MAX: variants seen among roughly 807,000 people sequenced by gnomAD.
The protein encoded by MAX is protein max.
Under a neutral mutation model 22.3 loss-of-function variants are expected in MAX, and 3 were observed. The ratio of observed to expected loss-of-function variants is 0.13; its 90% CI spans 0.06 to 0.35. The LOEUF (loss-of-function observed/expected upper bound fraction) is 0.35, where lower values mean the gene tolerates loss of function less well. MAX is among the 10% of genes least tolerant of loss of function. The probability of loss-of-function intolerance (pLI) is 1.00; values close to 1 mark genes in which losing one functional copy is unlikely to be tolerated. For synonymous variants in MAX, 72 were observed against 77.7 expected (o/e 0.93, Z 0.39); for missense variants, 119 against 209.4 (o/e 0.57, Z 2.66).
At chr14:65,058,129 G>A (rs1021873285) in intron 3 of MAX, among the ~76,000 whole-genome samples, 1 of 149,414 alleles carries the variant, frequency 6.7e-6, no homozygotes, top group Admixed American at 6.7e-5. Flanking sequence ...TTTTCTTCCT[G>A]TCTTCCCAGG....
At position 65,020,190 on chromosome 14, in the gene MAX, T is replaced by C. The variant is rs565757657; in HGVS notation, c.172-13906A>G. ...TAGTGGACAAAATACTTTTGTCAGC[T>C]GCTATGACCGCTGACCAAAGCCAGC... On this transcript the variant is annotated intron_variant, in intron 3 of 3. Transcript: ENST00000341653. Among the ~76,000 whole-genome samples the C allele has an allele frequency of 3.3e-5, 5 of 152,352 alleles. No homozygotes were observed. In the East Asian group the frequency reaches 9.6e-4, roughly 29 times the overall value.
chr14:65,075,042 T>C, downstream of MAX: 1 of 1,008,720 alleles, frequency 9.9e-7, no homozygotes, highest in Non-Finnish European at 1.2e-6. The surrounding 1 kb of genome is among the most constrained non-coding windows in gnomAD (Gnocchi z 4.1). Context: ...TCACTCAGAC[T>C]TACATTGAGG....
At chr14:65,037,100 G>T (rs1321585144) in intron 3 of MAX, among the ~76,000 whole-genome samples, 1 of 150,630 alleles carries the variant, frequency 6.6e-6, no homozygotes, top group East Asian at 1.9e-4. Context: ...TTCTGTGTTT[G>T]CTCTTTTTTT....
chr14:65,040,404 T>G (rs1408343504), intron 3 of MAX, among the ~76,000 whole-genome samples: 1 of 151,620 alleles, frequency 6.6e-6, no homozygotes, highest in Non-Finnish European at 1.5e-5. Flanking sequence ...GTAGGCTGTT[T>G]CTAAGTGTCT....
chr14:65,050,790 A>G (rs2062589382), intron 3 of MAX, among the ~76,000 whole-genome samples: 3 of 152,266 alleles, frequency 2.0e-5, no homozygotes, highest in South Asian at 4.1e-4. Flanking sequence ...ATCAGTATCT[A>G]TTAAAAGCCT....
At chr14:65,021,690 G>A (rs952244880) in intron 3 of MAX, among the ~76,000 whole-genome samples, 1 of 152,126 alleles carries the variant, frequency 6.6e-6, no homozygotes, top group African/African-American at 2.4e-5. Flanking sequence ...GTGTCCCCCA[G>A]GCTGGAGGGC....
intron 3 of MAX, among the ~76,000 whole-genome samples, chr14:65,013,876 C>T (rs1011158753): frequency 9.2e-5 from 14 of 152,184 alleles, no homozygotes; most frequent in African/African-American, 1.9e-4. Flanking sequence ...CTTGTAACTA[C>T]ATGAGGTAGA....
rs201195408 is a variant in MAX, at chr14:65,067,625, GT to G, written c.171+26082del. Among the ~76,000 whole-genome samples, 1,056 of 140,600 alleles carry G rather than the reference GT, an allele frequency of 7.5e-3. 58 individuals are homozygous for G. In the East Asian group the frequency reaches 0.15, roughly 20 times the overall value. 92.2% of individuals were successfully genotyped at this position (140,600 alleles called of 152,430 possible). On this transcript the variant is annotated intron_variant, in intron 3 of 3. Transcript: ENST00000341653. ...TATCCTTATGACTAGATGGGTTTAT[GT>G]TTTTTTTTTTTTTTCCAAGAGACAG... is the stretch of plus-strand genomic sequence containing the variant.
Position 65,078,809 on chromosome 14 carries a change from C to G in MAX, c.172-773G>C, listed in dbSNP as rs1448148931. Among the ~76,000 whole-genome samples, 1 of 152,048 alleles carries G rather than the reference C, an allele frequency of 6.6e-6. No homozygotes were observed. The highest frequency in any genetic ancestry group is 1.5e-5 in the Non-Finnish European group (1 of 68,006). ...CCTCCCAAACTGCTGGGATTACAGGCGTGAGCCACTGCATCCGTGAAGGCC... is the reference window on the plus strand; with the variant it reads ...CCTCCCAAACTGCTGGGATTACAGGGGTGAGCCACTGCATCCGTGAAGGCC... On this transcript the variant is annotated intron_variant, in intron 3 of 4. Coordinates refer to ENST00000358664, the MANE Select transcript of MAX (RefSeq NM_002382.5). This position sits in a 1 kb window ranked among gnomAD's most constrained non-coding sequence, Gnocchi z 6.4.
chr14:65,089,200 C>G (rs561099305), intron 3 of MAX, among the ~76,000 whole-genome samples: 1 of 152,294 alleles, frequency 6.6e-6, no homozygotes, highest in African/African-American at 2.4e-5. Context: ...AGCAAGCCTG[C>G]TGTTTCCTCT....
downstream of MAX, among the ~76,000 whole-genome samples, chr14:65,071,230 C>T (rs2062985632): frequency 6.6e-6 from 1 of 152,108 alleles, no homozygotes; most frequent in South Asian, 2.1e-4. This position sits in a 1 kb window ranked among gnomAD's most constrained non-coding sequence, Gnocchi z 4.2. Context: ...CAACCTCTGC[C>T]TCCTGGGTTC....
chr14:65,074,854 T>C (rs1226398910), downstream of MAX, among the ~76,000 whole-genome samples: 1 of 152,202 alleles, frequency 6.6e-6, no homozygotes, highest in African/African-American at 2.4e-5. Flanking sequence ...TAGCAGAAAC[T>C]AGATCTAGAA....
rs1167683723 is a variant in MAX, at chr14:65,047,631, C to T, written c.172-41347G>A. On this transcript the variant is annotated intron_variant, in intron 3 of 3. Coordinates refer to the MAX transcript ENST00000341653. The surrounding 1 kb of genome is among the most constrained non-coding windows in gnomAD (Gnocchi z 5.2). ...GACATCCATTTAAATTATAAGGGCA[C>T]TTACCCTTTGAACACAGCAAGTGCA... Among the ~76,000 whole-genome samples the T allele has an allele frequency of 2.0e-5, 3 of 152,154 alleles. No individual in the cohort carries two copies. The highest frequency in any genetic ancestry group is 4.4e-5 in the Non-Finnish European group (3 of 68,036).
chr14:65,018,913 C>T (rs762185943), intron 3 of MAX, among the ~76,000 whole-genome samples: 9 of 151,960 alleles, frequency 5.9e-5, no homozygotes, highest in Non-Finnish European at 1.0e-4. Flanking sequence ...GAGTTTGAGA[C>T]CAGCCTGGCC....
At chr14:65,006,372 T>G in intron 3 of MAX, 1 of 1,546,762 alleles carries the variant, frequency 6.5e-7, no homozygotes, top group South Asian at 1.2e-5. Context: ...AACCCAATGC[T>G]CTGACCTCAA....
rs1020688374 is a variant in MAX at position 65,094,922 on chromosome 14, A to G, written c.64-1107T>C. Among the ~76,000 whole-genome samples the G allele has an allele frequency of 2.6e-5, 4 of 152,360 alleles. No homozygotes were observed. The East Asian group carries it at 7.7e-4, about 29-fold the overall frequency. On this transcript the variant is annotated intron_variant, in intron 2 of 4. Transcript: ENST00000358664. ...GCTAATCTAGAGAGCCAGTCTGTACATGGGAAGTTCAGGTAGCTTAAATCT... is the reference window on the plus strand; with the variant it reads ...GCTAATCTAGAGAGCCAGTCTGTACGTGGGAAGTTCAGGTAGCTTAAATCT...
intron 3 of MAX, among the ~76,000 whole-genome samples, chr14:65,024,899 A>G (rs1259246473): frequency 6.6e-6 from 1 of 152,168 alleles, no homozygotes; most frequent in East Asian, 1.9e-4. Flanking sequence ...AATTACAGGC[A>G]CAAGCCACTA....
chr14:65,093,602 A>G lies in MAX; in HGVS notation c.171+106T>C, dbSNP rs543621564. 229 of 745,918 alleles carry G rather than the reference A, an allele frequency of 3.1e-4. No homozygotes were observed. The highest frequency in any genetic ancestry group is 4.8e-4 in the Non-Finnish European group (193 of 403,094). 46.2% of individuals were successfully genotyped at this position (745,918 alleles called of 1,614,324 possible). A position where few individuals can be genotyped will look rare whatever the true frequency, so the allele number is the denominator to read the frequency against. On this transcript the variant is annotated intron_variant, in intron 3 of 4. Coordinates refer to ENST00000358664, the MANE Select transcript of MAX (RefSeq NM_002382.5). The surrounding 1 kb of genome is among the most constrained non-coding windows in gnomAD (Gnocchi z 4.4). ...AAAATAAGGCAACCATGCTACCTGAATATCTCTGACTACATTTCCTTCCCA... is the reference window on the plus strand; with the variant it reads ...AAAATAAGGCAACCATGCTACCTGAGTATCTCTGACTACATTTCCTTCCCA...
At chr14:65,035,707 A>C (rs1239903958) in intron 3 of MAX, among the ~76,000 whole-genome samples, 3 of 151,740 alleles carry the variant, frequency 2.0e-5, no homozygotes, top group Admixed American at 6.6e-5. Context: ...TGTTTAAAAA[A>C]AAAATTTGTA....
Sources: allele counts gnomAD v4.1 joint callset (sites outside exome capture counted in the v4.1 genomes callset), GRCh38; gene constraint gnomAD v4.1.1; non-coding constraint Gnocchi (gnomAD v3.1); transcripts MANE v1.5; gene names NCBI Gene and HGNC (gene_info 2026-07-23, HGNC 2026-07-21).